The following NCAPG2 variants were observed in gnomAD, a reference collection of about 807,000 sequenced individuals.
NCAPG2 encodes condensin-2 complex subunit G2.
A neutral mutation model predicts 141.1 loss-of-function variants in NCAPG2; 53 were observed. The ratio of observed to expected loss-of-function variants is 0.38; its 90% CI spans 0.30 to 0.47. The LOEUF is 0.47. Among genes scored for constraint, NCAPG2 ranks in the 20% least tolerant of loss-of-function variants. The probability of loss-of-function intolerance (pLI) is 0.99; values close to 1 mark genes in which losing one functional copy is unlikely to be tolerated. For synonymous variants in NCAPG2, 499 were observed against 490.7 expected (o/e 1.02, Z -0.22); for missense variants, 1,087 against 1,389.0 (o/e 0.78, Z 3.46).
At chr7:158,674,245 C>T (rs1259171316) in intron 12 of NCAPG2, among the ~76,000 whole-genome samples, 1 of 151,056 alleles carries the variant, frequency 6.6e-6, no homozygotes, top group African/African-American at 2.4e-5. Context: ...ATAGGAAGGA[C>T]ACTGCTGAGA....
At position 158,671,352 on chromosome 7, in the gene NCAPG2, G is replaced by C. The variant is rs187564879; in HGVS notation, c.1479+162C>G. Among the ~76,000 whole-genome samples the C allele has an allele frequency of 1.6e-3, 248 of 152,310 alleles. 1 individual carries two copies. The Middle Eastern group carries it at 0.017, about 10-fold the overall frequency. On this transcript the variant is annotated intron_variant, in intron 13 of 27. Coordinates refer to ENST00000356309, the MANE Select transcript of NCAPG2 (RefSeq NM_017760.7). ...AGAAAACACATTGATAATATTTCTA[G>C]AACCTTTGATGAAAAACACAAAATA...
intron 24 of NCAPG2, among the ~76,000 whole-genome samples, chr7:158,647,048 A>G (rs1831077334): frequency 6.6e-6 from 1 of 151,932 alleles, no homozygotes; most frequent in Non-Finnish European, 1.5e-5. Flanking sequence ...AAAAAAAAAG[A>G]TAAACGAAAG....
At chr7:158,664,902 TTTC>T in intron 13 of NCAPG2, 152 bp from the exon 14 acceptor site, 1 of 647,452 alleles carries the variant, frequency 1.5e-6, no homozygotes, top group Non-Finnish European at 2.7e-6. Flanking sequence ...AATCTGTGAC[TTTC>T]TGTAGAGAAA....
At chr7:158,689,675 C>A (rs910223672) in intron 6 of NCAPG2, 144 bp downstream of exon 6, 1 of 600,898 alleles carries the variant, frequency 1.7e-6, no homozygotes, top group Admixed American at 4.1e-5. Flanking sequence ...CTAGTACTGC[C>A]ATGCAGTAAA....
Position 158,652,363 on chromosome 7 carries a change from T to C in NCAPG2, c.2864A>G (p.Gln955Arg), listed in dbSNP as rs1310082103. The C allele has an allele frequency of 1.9e-6, 3 of 1,613,862 alleles. No individual in the cohort carries two copies. The highest frequency in any genetic ancestry group is 1.3e-5 in the African/African-American group (1 of 74,928). The change falls in exon 23 of 28, where the codon CAG (glutamine) becomes CGG (arginine). Residue 955 changes from glutamine to arginine, a missense_variant. Transcript: ENST00000356309. ...TTCCAACATTTTCTGAAATACTTTCTGGACTGTGTCCAACAGCATTGCAAC... is the reference window on the plus strand; with the variant it reads ...TTCCAACATTTTCTGAAATACTTTCCGGACTGTGTCCAACAGCATTGCAAC... ...EEVAMLLDTV[Q>R]KVFQKMLECI...
intron 16 of NCAPG2, among the ~76,000 whole-genome samples, chr7:158,660,410 TTTTTTTTTTTTTTTTTTTTAA>T (rs1832397680): frequency 8.2e-6 from 1 of 121,474 alleles, no homozygotes; most frequent in Non-Finnish European, 1.7e-5. Context: ...TCTTTTTTTT[TTTTTTTTTTTTTTTTTTTTAA>T]AAGAGGCAGG....
intron 13 of NCAPG2, chr7:158,667,148 C>T (rs1833028315): frequency 1.0e-6 from 1 of 985,416 alleles, no homozygotes; most frequent in Non-Finnish European, 1.2e-6. Context: ...TTCCAGACAC[C>T]TCACAACCAA....
chr7:158,655,817 G>A (rs1406072078), intron 19 of NCAPG2, among the ~76,000 whole-genome samples: 1 of 33,096 alleles, frequency 3.0e-5, no homozygotes, highest in African/African-American at 1.3e-4. Context: ...TGTTCAGAGG[G>A]CTGGCTCCTG....
intron 2 of NCAPG2, among the ~76,000 whole-genome samples, chr7:158,695,793 G>A (rs1235932535): frequency 1.3e-5 from 2 of 152,260 alleles, no homozygotes; most frequent in African/African-American, 4.8e-5. Flanking sequence ...CAGTTAGAAA[G>A]AACACGTGCA....
At chr7:158,656,198 C>T (rs1337576642) in intron 19 of NCAPG2, 62 bp downstream of exon 19, 3 of 1,548,874 alleles carry the variant, frequency 1.9e-6, no homozygotes, top group African/African-American at 2.7e-5. Flanking sequence ...GAAAGCTTCA[C>T]ACTTTGATTT....
At chr7:158,648,617 G>T (rs112864537) in intron 24 of NCAPG2, among the ~76,000 whole-genome samples, 1,248 of 30,492 alleles carry the variant, frequency 0.041, 8 homozygotes, top group Non-Finnish European at 0.044. Context: ...CCAAATGGAC[G>T]ACAACCACGC....
At chr7:158,693,991 A>C (rs576509134) in intron 2 of NCAPG2, among the ~76,000 whole-genome samples, 1 of 152,320 alleles carries the variant, frequency 6.6e-6, no homozygotes, top group African/African-American at 2.4e-5. Context: ...GATGAAGCAA[A>C]TAGCGGCCCT....
chr7:158,697,029 A>C (rs1367699196), intron 2 of NCAPG2, among the ~76,000 whole-genome samples: 1 of 152,250 alleles, frequency 6.6e-6, no homozygotes, highest in Non-Finnish European at 1.5e-5. Context: ...TGTTGGTGTA[A>C]ACAAACCTAC....
At chr7:158,652,687 A>G (rs1455819140) in intron 22 of NCAPG2, among the ~76,000 whole-genome samples, 1 of 152,240 alleles carries the variant, frequency 6.6e-6, no homozygotes, top group Non-Finnish European at 1.5e-5. Flanking sequence ...CGTTTGTCCC[A>G]TTTAAGTTAA....
chr7:158,676,383 C>T (rs568202427), intron 11 of NCAPG2, among the ~76,000 whole-genome samples: 21 of 152,240 alleles, frequency 1.4e-4, no homozygotes, highest in African/African-American at 5.1e-4. Flanking sequence ...AGCTCGTGGT[C>T]CAGGAGACTT....
Position 158,645,603 on chromosome 7 carries a change from A to T in NCAPG2, c.3196T>A (p.Leu1066Ile). Residue 1066 changes from leucine (L) to isoleucine (I), a missense_variant, in exon 26 of 28, where the codon TTA becomes ATA. Transcript: ENST00000356309. ...TCATTAGAAGCCACACATGCCTTTA[A>T]TTCATCCAAAAATGACCTGCAAAAA... ...SNVVRSFLDELKACVASNDIE... is the reference protein window; with the variant it reads ...SNVVRSFLDEIKACVASNDIE... 6.2e-7 allele frequency: 1 copy of T among 1,614,184 alleles called. No homozygotes were observed. Among genetic ancestry groups the T allele is most frequent in the African/African-American group, 1.3e-5 (1 of 75,070 alleles).
chr7:158,647,733 G>A (rs1024739612), intron 24 of NCAPG2, among the ~76,000 whole-genome samples: 6 of 151,434 alleles, frequency 4.0e-5, no homozygotes, highest in Non-Finnish European at 8.8e-5. Context: ...TCACTCTGTT[G>A]CCTAGGCTGG....
chr7:158,670,251 T>C (rs889356212), intron 13 of NCAPG2, among the ~76,000 whole-genome samples: 2 of 152,204 alleles, frequency 1.3e-5, no homozygotes, highest in East Asian at 1.9e-4. Flanking sequence ...CAACGTAATA[T>C]GTACTACATT....
chr7:158,633,054 T>C lies in NCAPG2; in HGVS notation c.3381-1337A>G, dbSNP rs183198460. 6.6e-5 allele frequency among the ~76,000 whole-genome samples: 10 copies of C among 152,338 alleles called. No individual in the cohort carries two copies. Among genetic ancestry groups the C allele is most frequent in the Admixed American group, 2.6e-4 (4 of 15,306 alleles). On this transcript the variant is annotated intron_variant, in intron 27 of 27. Coordinates refer to ENST00000356309, the MANE Select transcript of NCAPG2 (RefSeq NM_017760.7). This position sits in a 1 kb window ranked among gnomAD's most constrained non-coding sequence, Gnocchi z 4.1. ...AATTTAGGAATCTTATCCATAATTA[T>C]TTAGCTGTGATTTTTTTTTTCCATC... is the stretch of plus-strand genomic sequence containing the variant.
Sources: gnomAD v4.1 joint callset for allele counts (sites outside exome capture counted in the v4.1 genomes callset) on GRCh38, gnomAD v4.1.1 for gene constraint, Gnocchi (gnomAD v3.1) non-coding constraint, MANE v1.5 for transcripts, NCBI Gene and HGNC (gene_info 2026-07-23, HGNC 2026-07-21) for gene names.